The following METTL25 variants were observed in gnomAD, a reference collection of about 807,000 sequenced individuals.
The protein encoded by METTL25 is probable methyltransferase-like protein 25.
In METTL25, 64 loss-of-function variants were observed where a neutral mutation model predicts 71.6. The observed-to-expected ratio is 0.89, with a 90% CI of 0.73 to 1.10. The LOEUF (loss-of-function observed/expected upper bound fraction) is 1.10. METTL25 is among the 50% of genes least tolerant of loss of function. The pLI is 0.00. For synonymous variants in METTL25, 287 were observed against 250.3 expected (o/e 1.15, Z -1.38); for missense variants, 807 against 707.0 (o/e 1.14, Z -1.60).
intron 8 of METTL25, among the ~76,000 whole-genome samples, chr12:82,453,796 A>G (rs1891304346): frequency 6.6e-6 from 1 of 151,986 alleles, no homozygotes; most frequent in South Asian, 2.1e-4. Flanking sequence ...AACTAGATGT[A>G]TTTGTTTCTG....
intron 9 of METTL25, among the ~76,000 whole-genome samples, chr12:82,475,872 C>G (rs1317933020): frequency 6.6e-6 from 1 of 151,910 alleles, no homozygotes; most frequent in African/African-American, 2.4e-5. Flanking sequence ...TTGAGCATCC[C>G]TAATCTGAAA....
At chr12:82,415,723 A>G (rs932208105) in intron 5 of METTL25, among the ~76,000 whole-genome samples, 2 of 152,146 alleles carry the variant, frequency 1.3e-5, no homozygotes, top group Admixed American at 6.6e-5. Context: ...CAGACCCTCA[A>G]TGGGTTTGAT....
intron 9 of METTL25, among the ~76,000 whole-genome samples, chr12:82,473,940 G>A (rs113603653): frequency 6.6e-6 from 1 of 152,168 alleles, no homozygotes; most frequent in Non-Finnish European, 1.5e-5. Context: ...CAGTGGTGTA[G>A]AGGTAGTGTT....
At chr12:82,390,716 G>T (rs1453143551) in intron 3 of METTL25, among the ~76,000 whole-genome samples, 1 of 151,928 alleles carries the variant, frequency 6.6e-6, no homozygotes, top group Admixed American at 6.6e-5. Context: ...CTCTAGGGTG[G>T]GTATAGAGTA....
At chr12:82,383,411 G>A (rs1209253904) in intron 1 of METTL25, among the ~76,000 whole-genome samples, 1 of 152,014 alleles carries the variant, frequency 6.6e-6, no homozygotes, top group African/African-American at 2.4e-5. Context: ...TAAGACCAAG[G>A]TCTTAATTCA....
intron 7 of METTL25, among the ~76,000 whole-genome samples, chr12:82,435,936 C>T (rs1438952855): frequency 1.3e-5 from 2 of 151,372 alleles, no homozygotes; most frequent in African/African-American, 4.8e-5. Flanking sequence ...ATAGTATGTA[C>T]TCTTACTATC....
intron 8 of METTL25, among the ~76,000 whole-genome samples, chr12:82,446,912 C>T (rs963647107): frequency 6.6e-6 from 1 of 151,992 alleles, no homozygotes; most frequent in Admixed American, 6.6e-5. Flanking sequence ...CCACCACGCC[C>T]GGCCTTAAAA....
chr12:82,422,179 C>T (rs1001283640), intron 5 of METTL25, among the ~76,000 whole-genome samples: 1 of 152,252 alleles, frequency 6.6e-6, no homozygotes, highest in African/African-American at 2.4e-5. Flanking sequence ...TCCAGCAGCA[C>T]ATCAAAAAGC....
chr12:82,435,155 A>C (rs890776015), intron 7 of METTL25, among the ~76,000 whole-genome samples: 1 of 151,516 alleles, frequency 6.6e-6, no homozygotes, highest in African/African-American at 2.4e-5. Flanking sequence ...GCAGTGGCCA[A>C]ATGGGTTTGC....
intron 5 of METTL25, among the ~76,000 whole-genome samples, chr12:82,424,595 A>T (rs1388943990): frequency 5.3e-5 from 8 of 151,990 alleles, no homozygotes; most frequent in African/African-American, 1.9e-4. Context: ...ACTAGATCTC[A>T]CAGAAGACTA....
In METTL25 at chr12:82,358,834, G is replaced by C. The variant is rs750086207; in HGVS notation, c.259+10G>C. 138 of 1,601,330 alleles carry C rather than the reference G, an allele frequency of 8.6e-5. 2 individuals carry two copies. The highest frequency in any genetic ancestry group is 5.1e-4 in the Middle Eastern group (3 of 5,904). On this transcript the variant is annotated intron_variant, in intron 1 of 11. Transcript: ENST00000248306. ...GCAGAGTGGGAAGCAGGTGGGTGGT[G>C]GGGTAGGCGGGGCGGGAAGGGAGGC...
chr12:82,397,123 T>G (rs1215358563), intron 3 of METTL25, among the ~76,000 whole-genome samples: 1 of 152,106 alleles, frequency 6.6e-6, no homozygotes, highest in Non-Finnish European at 1.5e-5. Flanking sequence ...TGGAGTGAGA[T>G]GGATGGGTCA....
At chr12:82,404,852 G>C (rs2137033777) in intron 5 of METTL25, among the ~76,000 whole-genome samples, 1 of 152,084 alleles carries the variant, frequency 6.6e-6, no homozygotes, top group East Asian at 1.9e-4. Context: ...GCTGAGGCAG[G>C]AGAATCTCTT....
chr12:82,424,050 G>A (rs1888761581), intron 5 of METTL25, among the ~76,000 whole-genome samples: 1 of 152,068 alleles, frequency 6.6e-6, no homozygotes, highest in Non-Finnish European at 1.5e-5. Flanking sequence ...ATACCCAAAG[G>A]ATTATAAATC....
chr12:82,417,723 G>T (rs765987828), intron 5 of METTL25, among the ~76,000 whole-genome samples: 25 of 152,166 alleles, frequency 1.6e-4, no homozygotes, highest in South Asian at 6.2e-4. Context: ...AGACAGCAGA[G>T]TAACCAGCAG....
intron 1 of METTL25, among the ~76,000 whole-genome samples, chr12:82,361,928 A>C (rs1881982857): frequency 6.6e-6 from 1 of 152,186 alleles, no homozygotes; most frequent in Non-Finnish European, 1.5e-5. Flanking sequence ...AAGGCTGAGG[A>C]GGCGCCAAGA....
chr12:82,374,811 G>GA (rs1592600791), intron 1 of METTL25, among the ~76,000 whole-genome samples: 1 of 152,160 alleles, frequency 6.6e-6, no homozygotes, highest in Admixed American at 6.5e-5. Context: ...AATAATGTCA[G>GA]AAAAAAATAT....
intron 8 of METTL25, 142 bp downstream of exon 8, chr12:82,438,933 C>T (rs1454580791): frequency 1.8e-6 from 1 of 560,532 alleles, no homozygotes; most frequent in Admixed American, 4.3e-5. Flanking sequence ...AACAAGTACA[C>T]AACAACTGTA....
chr12:82,433,013 T>C (rs1038887863), intron 6 of METTL25, among the ~76,000 whole-genome samples: 4 of 151,668 alleles, frequency 2.6e-5, no homozygotes, highest in African/African-American at 9.7e-5. Flanking sequence ...TTCTAAATTA[T>C]TCCAGAGTAG....
Sources: gnomAD v4.1 joint callset for allele counts (sites outside exome capture counted in the v4.1 genomes callset) on GRCh38, gnomAD v4.1.1 for gene constraint, MANE v1.5 for transcripts, NCBI Gene and HGNC (gene_info 2026-07-23, HGNC 2026-07-21) for gene names.